COG5: variants seen among roughly 807,000 people sequenced by gnomAD.
COG5 encodes the protein component of oligomeric golgi complex 5, also known as conserved oligomeric Golgi complex subunit 5.
In COG5, 86 loss-of-function variants were observed where a neutral mutation model predicts 110.4. The observed-to-expected ratio is 0.78, with a 90% CI of 0.65 to 0.93. The LOEUF is 0.93. COG5 is among the 40% of genes least tolerant of loss of function. COG5 has a pLI of 0.00. For missense variants in COG5, 1,077 were observed against 987.0 expected, an observed-to-expected ratio of 1.09 and a Z score of -1.22; for synonymous variants, 360 against 334.6, an observed-to-expected ratio of 1.08 and a Z score of -0.83.
At chr7:107,402,956 G>A (rs898581772) in intron 7 of COG5, among the ~76,000 whole-genome samples, 2 of 152,088 alleles carry the variant, frequency 1.3e-5, no homozygotes, top group Non-Finnish European at 2.9e-5. Context: ...AGAAACAATA[G>A]CTCCTCCATA....
intron 6 of COG5, among the ~76,000 whole-genome samples, chr7:107,510,175 T>C (rs1334592417): frequency 2.0e-5 from 3 of 151,918 alleles, no homozygotes; most frequent in South Asian, 2.1e-4. Flanking sequence ...GAGACACACA[T>C]AGGCTCAAAA....
intron 6 of COG5, among the ~76,000 whole-genome samples, chr7:107,432,626 C>T (rs768349139): frequency 6.6e-6 from 1 of 152,050 alleles, no homozygotes; most frequent in Non-Finnish European, 1.5e-5. Flanking sequence ...GAAAAGCTGC[C>T]TCTACATGAA....
chr7:107,383,667 G>A (rs995805312), intron 7 of COG5, among the ~76,000 whole-genome samples: 1 of 152,110 alleles, frequency 6.6e-6, no homozygotes, highest in Admixed American at 6.5e-5. Flanking sequence ...CCAGGTATCT[G>A]GTAGGAAGAG....
chr7:107,383,163 C>T (rs1815276861), intron 7 of COG5, among the ~76,000 whole-genome samples: 1 of 152,182 alleles, frequency 6.6e-6, no homozygotes, highest in South Asian at 2.1e-4. Context: ...GGGTGTGTCA[C>T]AAGACATCAT....
intron 14 of COG5, among the ~76,000 whole-genome samples, chr7:107,267,979 T>C (rs1344089755): frequency 1.3e-5 from 2 of 151,554 alleles, no homozygotes; most frequent in African/African-American, 2.4e-5. Flanking sequence ...CTTTTTGTTG[T>C]TTTTTTGAGA....
chr7:107,334,345 G>T (rs1810526005), intron 10 of COG5, among the ~76,000 whole-genome samples: 1 of 152,038 alleles, frequency 6.6e-6, no homozygotes, highest in African/African-American at 2.4e-5. Flanking sequence ...AGAAGCTAAA[G>T]AAGTTGATCT....
chr7:107,479,890 A>G (rs1797224326), intron 6 of COG5, among the ~76,000 whole-genome samples: 1 of 152,132 alleles, frequency 6.6e-6, no homozygotes, highest in Admixed American at 6.6e-5. Context: ...TTTTAACTAT[A>G]AAAATACACA....
intron 6 of COG5, among the ~76,000 whole-genome samples, chr7:107,445,536 T>C (rs1288952044): frequency 6.6e-6 from 1 of 152,212 alleles, no homozygotes; most frequent in Non-Finnish European, 1.5e-5. Context: ...ATTTTGGACT[T>C]ATGTAATGAA....
In COG5 at chr7:107,388,019, A is replaced by G. The variant is rs866141709; in HGVS notation, c.670-15259T>C. ...TTGGCTTATGGTAATAATCAAGCAG[A>G]CCTTCAGGTTATGACATCACTGCTT... On this transcript the variant is annotated intron_variant, in intron 7 of 21. Transcript: ENST00000297135. 1.3e-4 allele frequency among the ~76,000 whole-genome samples: 20 copies of G among 152,326 alleles called. No individual in the cohort carries two copies. The Middle Eastern group carries it at 0.02, about 155-fold the overall frequency.
chr7:107,530,476 C>T (rs1801116872), intron 5 of COG5, among the ~76,000 whole-genome samples: 2 of 151,982 alleles, frequency 1.3e-5, no homozygotes, highest in South Asian at 2.1e-4. Flanking sequence ...TGGCATATGC[C>T]TGTAATCCCA....
intron 14 of COG5, among the ~76,000 whole-genome samples, chr7:107,267,367 G>T (rs914076730): frequency 6.6e-6 from 1 of 152,122 alleles, no homozygotes; most frequent in Non-Finnish European, 1.5e-5. Flanking sequence ...TTTCCTGAAA[G>T]GATCTTAAGC....
intron 19 of COG5, among the ~76,000 whole-genome samples, chr7:107,229,483 T>C (rs983033074): frequency 6.6e-6 from 1 of 152,206 alleles, no homozygotes; most frequent in African/African-American, 2.4e-5. Flanking sequence ...TGTGCTATGA[T>C]GTAAACAACT....
chr7:107,214,750 T>C (rs1027028015), intron 19 of COG5, among the ~76,000 whole-genome samples: 1 of 151,986 alleles, frequency 6.6e-6, no homozygotes, highest in Non-Finnish European at 1.5e-5. Context: ...GGCAAAACCC[T>C]GTCTTTACCA....
intron 6 of COG5, among the ~76,000 whole-genome samples, chr7:107,413,522 A>T (rs2129067760): frequency 6.7e-6 from 1 of 148,794 alleles, no homozygotes; most frequent in Admixed American, 6.6e-5. Context: ...ATGTAGCAAC[A>T]GAGGGAAAAA....
intron 12 of COG5, 133 bp from the exon 13 acceptor site, chr7:107,283,865 A>T: frequency 1.5e-6 from 1 of 675,008 alleles, no homozygotes; most frequent in South Asian, 1.7e-5. Flanking sequence ...AAAAGAAAAT[A>T]ATTTGTTTCA....
In COG5 at chr7:107,281,390, A is replaced by G; in HGVS notation, c.1485T>C (p.Asn495=). The G allele has an allele frequency of 4.3e-6, 7 of 1,612,532 alleles. No homozygotes were observed. Among genetic ancestry groups the G allele is most frequent in the Non-Finnish European group, 5.9e-6 (7 of 1,178,688 alleles). The change falls in exon 14 of 22, where the codon AAT becomes AAC. Residue 495 remains asparagine (N), a synonymous_variant. Coordinates refer to ENST00000297135, the MANE Select transcript of COG5 (RefSeq NM_006348.5). The part of the protein sequence containing the change: ...GIIKTIASEL[N]VAAVDTNLTL... ...TGAGGTTTGTATCAACAGCAGCAAC[A>G]TTTAGTTCACTGGAGAAAATGAAAA...
chr7:107,345,514 G>GATACTTAGAAAGTATCTA lies in COG5; in HGVS notation c.1026+16518_1026+16519insTAGATACTTTCTAAGTAT, dbSNP rs551206473. On this transcript the variant is annotated intron_variant, in intron 10 of 21. Coordinates refer to ENST00000297135, the MANE Select transcript of COG5 (RefSeq NM_006348.5). ...CAATTTATATAAGGTATCTAAAGTA[G>GATACTTAGAAAGTATCTA]TCGGGCACTTAGAAAGTAGAGTAGT... 7.0e-3 allele frequency among the ~76,000 whole-genome samples: 1,069 copies of GATACTTAGAAAGTATCTA among 152,278 alleles called. 9 individuals are homozygous for GATACTTAGAAAGTATCTA. The highest frequency in any genetic ancestry group is 0.014 in the Middle Eastern group (4 of 294).
intron 14 of COG5, among the ~76,000 whole-genome samples, chr7:107,260,375 T>A (rs1167376505): frequency 6.6e-6 from 1 of 152,018 alleles, no homozygotes; most frequent in Non-Finnish European, 1.5e-5. Context: ...ATTAGGCAAA[T>A]CTACATGGGC....
intron 6 of COG5, among the ~76,000 whole-genome samples, chr7:107,498,623 G>A (rs1483437589): frequency 6.6e-6 from 1 of 151,814 alleles, no homozygotes; most frequent in Non-Finnish European, 1.5e-5. Context: ...AAACAAACAA[G>A]CAAAAACAAC....
Sources: gnomAD v4.1 joint callset for allele counts (sites outside exome capture counted in the v4.1 genomes callset) on GRCh38, gnomAD v4.1.1 for gene constraint, MANE v1.5 for transcripts, NCBI Gene and HGNC (gene_info 2026-07-23, HGNC 2026-07-21) for gene names.